Variants in WDTC1 observed in about 807,000 individuals in gnomAD.
WDTC1 encodes WD and tetratricopeptide repeats 1.
Under a neutral mutation model 76.0 loss-of-function variants are expected in WDTC1, and 12 were observed. The ratio of observed to expected loss-of-function variants is 0.16; its 90% CI spans 0.10 to 0.26. The LOEUF (loss-of-function observed/expected upper bound fraction) is 0.26, where lower values mean the gene tolerates loss of function less well. WDTC1 is among the 10% of genes least tolerant of loss of function. The pLI is 1.00. For missense variants in WDTC1, 511 were observed against 908.8 expected (o/e 0.56, Z 5.63); for synonymous variants, 326 against 350.8 (o/e 0.93, Z 0.79).
chr1:27,297,878 C>T (rs1312557008), intron 11 of WDTC1, 60 bp from the exon 12 acceptor site: 5 of 1,516,142 alleles, frequency 3.3e-6, no homozygotes. Flanking sequence ...GTTACAGACT[C>T]CCTGAGGGGC....
chr1:27,243,424 G>T (rs754130022), intron 1 of WDTC1, among the ~76,000 whole-genome samples: 3 of 151,836 alleles, frequency 2.0e-5, no homozygotes, highest in Non-Finnish European at 4.4e-5. Context: ...CATTGGCCAG[G>T]CTGGTCTGGA....
At chr1:27,279,726 C>T (rs1483996703) in intron 3 of WDTC1, among the ~76,000 whole-genome samples, 1 of 152,076 alleles carries the variant, frequency 6.6e-6, no homozygotes, top group Admixed American at 6.6e-5. Flanking sequence ...GCCACCACAC[C>T]TGGCTAATTT....
Position 27,306,809 on chromosome 1 carries a change from A to G in WDTC1, c.*426A>G. On this transcript the variant is annotated 3_prime_UTR_variant, in exon 16 of 16. Coordinates refer to ENST00000319394, the MANE Select transcript of WDTC1 (RefSeq NM_001276252.2). The surrounding 1 kb of genome is among the most constrained non-coding windows in gnomAD (Gnocchi z 5.0). ...TAAGGGCTCGCCTTGGCCTGTTGCCACTCTTGCTCCCTAGCCTGCAAGGCT... is the reference window on the plus strand; with the variant it reads ...TAAGGGCTCGCCTTGGCCTGTTGCCGCTCTTGCTCCCTAGCCTGCAAGGCT... 2 of 189,056 alleles carry G rather than the reference A, an allele frequency of 1.1e-5. No homozygotes were observed. The highest frequency in any genetic ancestry group is 2.2e-5 in the Non-Finnish European group (2 of 90,296). 11.7% of individuals were successfully genotyped at this position (189,056 alleles called of 1,614,324 possible).
At chr1:27,271,791 C>T (rs1264733428) in intron 3 of WDTC1, among the ~76,000 whole-genome samples, 1 of 151,244 alleles carries the variant, frequency 6.6e-6, no homozygotes, top group Admixed American at 6.6e-5. Flanking sequence ...GCGTGTGCTA[C>T]CATGCCTGGT....
Position 27,301,172 on chromosome 1 carries a change from C to A in WDTC1, c.1233-54C>A. 6.5e-7 allele frequency: 1 copy of A among 1,546,104 alleles called. No individual in the cohort carries two copies. The highest frequency in any genetic ancestry group is 1.1e-5 in the South Asian group (1 of 88,670). On this transcript the variant is annotated intron_variant, in intron 12 of 15. Coordinates refer to ENST00000319394, the MANE Select transcript of WDTC1 (RefSeq NM_001276252.2). This position sits in a 1 kb window ranked among gnomAD's most constrained non-coding sequence, Gnocchi z 5.8. ...GGAAGCAGAGGAGACTGAATGGGGA[C>A]CCCTTGCTTGCCACGTGGCTCCACC...
chr1:27,287,266 T>C (rs2013366980), intron 5 of WDTC1, among the ~76,000 whole-genome samples: 3 of 152,240 alleles, frequency 2.0e-5, no homozygotes, highest in Admixed American at 2.0e-4. Flanking sequence ...GGTTACTAAG[T>C]AGTCATAATG....
chr1:27,296,393 C>A lies in WDTC1; in HGVS notation c.941C>A (p.Ser314Tyr). 2 of 1,614,078 alleles carry A rather than the reference C, an allele frequency of 1.2e-6. No individual in the cohort carries two copies. Among genetic ancestry groups the A allele is most frequent in the Non-Finnish European group, 1.7e-6 (2 of 1,180,018 alleles). Residue 314 changes from serine to tyrosine, a missense_variant, in exon 10 of 16, where the codon TCC (serine) becomes TAC (tyrosine). Coordinates refer to ENST00000319394, the MANE Select transcript of WDTC1 (RefSeq NM_001276252.2). ...YTFLLPRKCH[S>Y]SGEVQNGKMS... ...TTCCTCTTGCCTAGAAAATGCCACTCCTCGGGGGGTAAGTTCTCCCTTAGG... is the reference window on the plus strand; with the variant it reads ...TTCCTCTTGCCTAGAAAATGCCACTACTCGGGGGGTAAGTTCTCCCTTAGG...
In WDTC1 at chr1:27,301,128, G is replaced by C; in HGVS notation, c.1233-98G>C. The C allele has an allele frequency of 9.7e-7, 1 of 1,029,820 alleles. No homozygotes were observed. 63.8% of individuals were successfully genotyped at this position (1,029,820 alleles called of 1,614,324 possible). Reference sequence around the variant, plus strand: ...CCCCTTGCCATGAGATCTGTCAGTGGTGGGCTGGGGTGGCCACAGGAAGCA... The same window carrying C: ...CCCCTTGCCATGAGATCTGTCAGTGCTGGGCTGGGGTGGCCACAGGAAGCA... On this transcript the variant is annotated intron_variant, in intron 12 of 15. Transcript: ENST00000319394. The surrounding 1 kb of genome is among the most constrained non-coding windows in gnomAD (Gnocchi z 5.8).
Position 27,270,467 on chromosome 1 carries a change from C to A in WDTC1, c.132+7232C>A, listed in dbSNP as rs146964226. Among the ~76,000 whole-genome samples the A allele has an allele frequency of 1.6e-3, 250 of 152,154 alleles. 3 individuals carry two copies. The highest frequency in any genetic ancestry group is 5.7e-3 in the African/African-American group (235 of 41,510). On this transcript the variant is annotated intron_variant, in intron 3 of 15. Coordinates refer to ENST00000319394, the MANE Select transcript of WDTC1 (RefSeq NM_001276252.2). ...CAGCACTTTGGAGGGCCAAGGCAGG[C>A]GGATTCCTTGAGCTCAGGAGTTCAA...
rs1213894614 is a variant in WDTC1, at chr1:27,301,054, C to G, written c.1233-172C>G. Among the ~76,000 whole-genome samples, 1 of 152,168 alleles carries G rather than the reference C, an allele frequency of 6.6e-6. No homozygotes were observed. Among genetic ancestry groups the G allele is most frequent in the Non-Finnish European group, 1.5e-5 (1 of 68,014 alleles). On this transcript the variant is annotated intron_variant, in intron 12 of 15. Transcript: ENST00000319394. The surrounding 1 kb of genome is among the most constrained non-coding windows in gnomAD (Gnocchi z 5.8). ...CTTGCTCCTTAACCATACTCTGTCT[C>G]CTGATGGGGGAGGCCTGGGCTGAGC...
intron 3 of WDTC1, among the ~76,000 whole-genome samples, chr1:27,269,457 G>C (rs1413137708): frequency 6.6e-6 from 1 of 151,734 alleles, no homozygotes; most frequent in Non-Finnish European, 1.5e-5. Flanking sequence ...AAGTGGAAGA[G>C]GGATGAGAAA....
At chr1:27,297,868 G>T in intron 11 of WDTC1, 70 bp from the exon 12 acceptor site, 1 of 1,485,782 alleles carries the variant, frequency 6.7e-7, no homozygotes, top group Non-Finnish European at 9.0e-7. Flanking sequence ...CTCAGGCCAT[G>T]TTACAGACTC....
chr1:27,249,694 T>C (rs2147913423), intron 1 of WDTC1, among the ~76,000 whole-genome samples: 1 of 152,244 alleles, frequency 6.6e-6, no homozygotes, highest in African/African-American at 2.4e-5. Flanking sequence ...TCTTTCTGCC[T>C]CAGCCTCCTG....
intron 3 of WDTC1, among the ~76,000 whole-genome samples, chr1:27,273,422 A>T (rs190597704): frequency 3.9e-5 from 6 of 151,906 alleles, no homozygotes; most frequent in Admixed American, 2.6e-4. Flanking sequence ...GTTAGCCAGG[A>T]TGGTCTTGAT....
At position 27,305,876 on chromosome 1, in the gene WDTC1, C is replaced by T. The variant is rs1418756444; in HGVS notation, c.1837-310C>T. Among the ~76,000 whole-genome samples the T allele has an allele frequency of 6.6e-6, 1 of 152,050 alleles. No homozygotes were observed. The highest frequency in any genetic ancestry group is 1.5e-5 in the Non-Finnish European group (1 of 68,004). On this transcript the variant is annotated intron_variant, in intron 15 of 15. Coordinates refer to ENST00000319394, the MANE Select transcript of WDTC1 (RefSeq NM_001276252.2). The surrounding 1 kb of genome is among the most constrained non-coding windows in gnomAD (Gnocchi z 4.6). ...GGGGAAGTTGTATCTGCCCCTTGTCCCAGGTATCCCAGTATGTGTGTCCAA... is the reference window on the plus strand; with the variant it reads ...GGGGAAGTTGTATCTGCCCCTTGTCTCAGGTATCCCAGTATGTGTGTCCAA...
At chr1:27,289,776 A>G (rs1020556008) in intron 6 of WDTC1, among the ~76,000 whole-genome samples, 1 of 151,854 alleles carries the variant, frequency 6.6e-6, no homozygotes, top group Non-Finnish European at 1.5e-5. Context: ...CGCGGTTAGG[A>G]GCTGGAGACC....
rs760065109 is a variant in WDTC1, at chr1:27,263,134, T to C, written c.49-18T>C. 1.2e-6 allele frequency: 2 copies of C among 1,612,750 alleles called. No individual in the cohort carries two copies. Among genetic ancestry groups the C allele is most frequent in the Non-Finnish European group, 1.7e-6 (2 of 1,179,480 alleles). On this transcript the variant is annotated intron_variant, in intron 2 of 15. Transcript: ENST00000319394. ...TTAATTGAATCAATGAAATCACGAATTTGTTTCTGTCCCCTAGGAGCGGGG... is the reference window on the plus strand; with the variant it reads ...TTAATTGAATCAATGAAATCACGAACTTGTTTCTGTCCCCTAGGAGCGGGG...
At chr1:27,241,654 G>A (rs1224181881) in intron 1 of WDTC1, among the ~76,000 whole-genome samples, 1 of 152,172 alleles carries the variant, frequency 6.6e-6, no homozygotes, top group Non-Finnish European at 1.5e-5. Flanking sequence ...TTGAATTGTG[G>A]CAGGATTTGT....
chr1:27,239,781 A>AAG (rs2011574075), intron 1 of WDTC1, among the ~76,000 whole-genome samples: 1 of 144,274 alleles, frequency 6.9e-6, no homozygotes, highest in Non-Finnish European at 1.5e-5. Context: ...TGTGCACTCC[A>AAG]GCCTGGGGGA....
Sources: allele counts gnomAD v4.1 joint callset (sites outside exome capture counted in the v4.1 genomes callset), GRCh38; gene constraint gnomAD v4.1.1; non-coding constraint Gnocchi (gnomAD v3.1); transcripts MANE v1.5; gene names NCBI Gene and HGNC (gene_info 2026-07-23, HGNC 2026-07-21).